The following UTRN variants were observed in gnomAD, a reference collection of about 807,000 sequenced individuals.
UTRN encodes the protein dystrophin-related protein 1.
Under a neutral mutation model 463.9 loss-of-function variants are expected in UTRN, and 283 were observed. The observed-to-expected ratio is 0.61, with a 90% CI of 0.55 to 0.67. The LOEUF (loss-of-function observed/expected upper bound fraction) is 0.67, where lower values mean the gene tolerates loss of function less well. Ranked by LOEUF, UTRN falls within the 30% of genes least tolerant of loss-of-function variation. UTRN has a pLI of 0.00. For missense variants in UTRN, 3,922 were observed against 4,084.3 expected (o/e 0.96, Z 1.08); for synonymous variants, 1,442 against 1,431.5 (o/e 1.01, Z -0.17).
At chr6:144,409,597 A>C (rs888078049) in intron 3 of UTRN, among the ~76,000 whole-genome samples, 1 of 152,106 alleles carries the variant, frequency 6.6e-6, no homozygotes, top group Non-Finnish European at 1.5e-5. Context: ...GTAAGGTATC[A>C]AGAGGGGATT....
At chr6:144,505,176 T>C (rs1392404476) in intron 34 of UTRN, among the ~76,000 whole-genome samples, 3 of 152,150 alleles carry the variant, frequency 2.0e-5, no homozygotes, top group Non-Finnish European at 4.4e-5. Context: ...GTCTGGCTAG[T>C]GGCTTATCTA....
chr6:144,768,962 T>TTTG (rs1562884788), intron 58 of UTRN, among the ~76,000 whole-genome samples: 1,767 of 150,760 alleles, frequency 0.012, 82 homozygotes, highest in African/African-American at 0.041. Flanking sequence ...TGTTTTGTTT[T>TTTG]TTTTTTTTTA....
At chr6:144,700,284 T>C (rs1586094185) in intron 53 of UTRN, 41 bp downstream of exon 53, 1 of 1,549,656 alleles carries the variant, frequency 6.5e-7, no homozygotes, top group Non-Finnish European at 8.8e-7. Flanking sequence ...ATTCAAATTC[T>C]AGTGAGGTAG....
chr6:144,725,219 G>T (rs1200859798), intron 53 of UTRN, among the ~76,000 whole-genome samples: 1 of 152,224 alleles, frequency 6.6e-6, no homozygotes, highest in Non-Finnish European at 1.5e-5. Flanking sequence ...CCCAGCACAT[G>T]CTGTCTTGCC....
intron 51 of UTRN, among the ~76,000 whole-genome samples, chr6:144,631,304 C>T (rs889977129): frequency 6.7e-6 from 1 of 149,594 alleles, no homozygotes; most frequent in Non-Finnish European, 1.5e-5. Context: ...TGGAACTATT[C>T]CTAAGTAACC....
chr6:144,622,839 C>T (rs572925432), intron 51 of UTRN, among the ~76,000 whole-genome samples: 9 of 152,278 alleles, frequency 5.9e-5, no homozygotes, highest in South Asian at 2.1e-4. Context: ...CTGTCACTCT[C>T]GTATTGGACA....
At chr6:144,303,033 T>A in intron 2 of UTRN, among the ~76,000 whole-genome samples, 1 of 152,174 alleles carries the variant, frequency 6.6e-6, no homozygotes, top group East Asian at 1.9e-4. Flanking sequence ...AGTTAATGAC[T>A]AGCTCAGAAC....
chr6:144,743,218 T>A (rs1441701381), intron 54 of UTRN, among the ~76,000 whole-genome samples: 1 of 152,218 alleles, frequency 6.6e-6, no homozygotes, highest in Non-Finnish European at 1.5e-5. Flanking sequence ...ATTCTTGACA[T>A]TGGGCTTTAA....
At chr6:144,377,104 C>T (rs1393392556) in intron 2 of UTRN, among the ~76,000 whole-genome samples, 1 of 152,144 alleles carries the variant, frequency 6.6e-6, no homozygotes, top group Non-Finnish European at 1.5e-5. Flanking sequence ...ATGGTGTGAT[C>T]TCAGCTCACT....
chr6:144,517,884 C>A (rs1795766595), intron 39 of UTRN, among the ~76,000 whole-genome samples: 1 of 152,116 alleles, frequency 6.6e-6, no homozygotes, highest in African/African-American at 2.4e-5. Context: ...AGAACATGTC[C>A]CTGTTATTAA....
Position 144,423,574 on chromosome 6 carries a change from T to C in UTRN, c.260T>C (p.Val87Ala). 2 of 1,614,242 alleles carry C rather than the reference T, an allele frequency of 1.2e-6. No individual in the cohort carries two copies. The highest frequency in any genetic ancestry group is 1.7e-6 in the Non-Finnish European group (2 of 1,180,044). Residue 87 changes from valine to alanine, a missense_variant, in exon 5 of 75, where the codon GTA becomes GCA. Around this residue, in one of 3 missense-constraint regions of UTRN, gnomAD observed 264 missense variants for 327.9 expected, o/e 0.81. Transcript: ENST00000367545. ...SLPKERGSTR[V>A]HALNNVNRVL... Reference sequence around the variant, plus strand: ...CCAAAGGAACGTGGTTCCACAAGGGTACATGCCTTAAATAACGTCAACAGA... The same window carrying C: ...CCAAAGGAACGTGGTTCCACAAGGGCACATGCCTTAAATAACGTCAACAGA...
chr6:144,496,984 T>C (rs1364941087), intron 33 of UTRN, among the ~76,000 whole-genome samples: 1 of 152,192 alleles, frequency 6.6e-6, no homozygotes, highest in East Asian at 1.9e-4. Context: ...AGGAACATGG[T>C]GCTAGGGAGA....
At chr6:144,543,827 C>T (rs192183802) in intron 46 of UTRN, among the ~76,000 whole-genome samples, 169 of 150,478 alleles carry the variant, frequency 1.1e-3, no homozygotes, top group African/African-American at 3.9e-3. Context: ...TTTCATTTTT[C>T]GAGATTGCAA....
chr6:144,539,582 T>G (rs1423870953), intron 45 of UTRN, 139 bp downstream of exon 45: 3 of 857,502 alleles, frequency 3.5e-6, no homozygotes, highest in East Asian at 5.7e-5. Flanking sequence ...TTTATATTTT[T>G]TATCTGTCAT....
At chr6:144,421,450 G>T (rs1230391212) in intron 3 of UTRN, among the ~76,000 whole-genome samples, 1 of 152,072 alleles carries the variant, frequency 6.6e-6, no homozygotes, top group Non-Finnish European at 1.5e-5. Flanking sequence ...AGCACTTTGG[G>T]AGGCCGAGGT....
At position 144,688,520 on chromosome 6, in the gene UTRN, T is replaced by G. The variant is rs1028343145; in HGVS notation, c.7652+9942T>G. On this transcript the variant is annotated intron_variant, in intron 52 of 74. Coordinates refer to ENST00000367545, the MANE Select transcript of UTRN (RefSeq NM_007124.3). ...CTATTTATTCTAATTATTTTTTAAT[T>G]TATTTTTTGTTCGACTATGTGTTCT... Among the ~76,000 whole-genome samples, 13 of 152,194 alleles carry G rather than the reference T, an allele frequency of 8.5e-5. 1 individual carries two copies. Among genetic ancestry groups the G allele is most frequent in the Non-Finnish European group, 7.3e-5 (5 of 68,040 alleles).
intron 51 of UTRN, among the ~76,000 whole-genome samples, chr6:144,669,367 T>C (rs1780755790): frequency 6.6e-6 from 1 of 152,192 alleles, no homozygotes; most frequent in Admixed American, 6.5e-5. Flanking sequence ...TCCTATTGTG[T>C]ATGTGTCAAA....
chr6:144,287,600 C>T lies in UTRN; in HGVS notation c.-93+1779C>T, dbSNP rs1803822288. 2.6e-5 allele frequency among the ~76,000 whole-genome samples: 4 copies of T among 152,220 alleles called. No individual in the cohort carries two copies. The South Asian group carries it at 8.3e-4, about 32-fold the overall frequency. ...TATAGTACAAAATAAAAATTATATACATATATTCATTGTATAATTCCTAAA... is the reference window on the plus strand; with the variant it reads ...TATAGTACAAAATAAAAATTATATATATATATTCATTGTATAATTCCTAAA... On this transcript the variant is annotated intron_variant, in intron 1 of 74. Transcript: ENST00000367545.
intron 41 of UTRN, among the ~76,000 whole-genome samples, chr6:144,525,127 A>G (rs1796451943): frequency 6.6e-6 from 1 of 151,896 alleles, no homozygotes; most frequent in Non-Finnish European, 1.5e-5. Context: ...CATCTATATC[A>G]GGGATTTGGT....
Sources: allele counts gnomAD v4.1 joint callset (sites outside exome capture counted in the v4.1 genomes callset), GRCh38; gene constraint gnomAD v4.1.1; regional missense constraint gnomAD v4.1.1; transcripts MANE v1.5; gene names NCBI Gene and HGNC (gene_info 2026-07-23, HGNC 2026-07-21).